GALNT10: variants seen among roughly 807,000 people sequenced by gnomAD.
GALNT10 encodes the protein GalNAc transferase 10.
In GALNT10, 41 loss-of-function variants were observed where a neutral mutation model predicts 75.0. The observed-to-expected ratio is 0.55, with a 90% CI of 0.43 to 0.71. GALNT10 has a LOEUF of 0.71. Among genes scored for constraint, GALNT10 ranks in the 30% least tolerant of loss-of-function variants. The pLI is 0.00. For missense variants in GALNT10, 727 were observed against 818.5 expected, an observed-to-expected ratio of 0.89 and a Z score of 1.36; for synonymous variants, 302 against 313.0, an observed-to-expected ratio of 0.96 and a Z score of 0.37.
chr5:154,399,661 G>A (rs531519930), intron 7 of GALNT10, among the ~76,000 whole-genome samples: 1 of 152,322 alleles, frequency 6.6e-6, no homozygotes, highest in East Asian at 1.9e-4. Context: ...CTCTAGTCAA[G>A]TCCCTATGCT....
At chr5:154,243,760 G>A (rs937350990) in intron 1 of GALNT10, among the ~76,000 whole-genome samples, 5 of 152,232 alleles carry the variant, frequency 3.3e-5, no homozygotes, top group Non-Finnish European at 7.3e-5. Flanking sequence ...TTCAGGGAAG[G>A]AGTATTGCTG....
chr5:154,315,126 C>CAA lies in GALNT10; in HGVS notation c.402-14438_402-14437dup, dbSNP rs141178404. Among the ~76,000 whole-genome samples, 338 of 150,740 alleles carry CAA rather than the reference C, an allele frequency of 2.2e-3. 1 individual carries two copies. The highest frequency in any genetic ancestry group is 7.9e-3 in the African/African-American group (327 of 41,140). ...AAAAGAATCCAATTATTTTCACAAT[C>CAA]AAAAAAAAATAAAAATAATTGATTC... On this transcript the variant is annotated intron_variant, in intron 3 of 11. Coordinates refer to ENST00000297107, the MANE Select transcript of GALNT10 (RefSeq NM_198321.4).
intron 6 of GALNT10, among the ~76,000 whole-genome samples, chr5:154,385,119 A>G (rs1297586633): frequency 1.3e-5 from 2 of 152,172 alleles, no homozygotes; most frequent in Admixed American, 1.3e-4. Flanking sequence ...TTGCACTTCC[A>G]GGGACCAGGA....
chr5:154,203,173 G>A (rs1216881095), intron 1 of GALNT10, among the ~76,000 whole-genome samples: 2 of 152,090 alleles, frequency 1.3e-5, no homozygotes, highest in Non-Finnish European at 2.9e-5. Context: ...TTCACTTTGG[G>A]TGTATGACTC....
At chr5:154,370,526 T>C (rs1323070374) in intron 4 of GALNT10, among the ~76,000 whole-genome samples, 1 of 152,142 alleles carries the variant, frequency 6.6e-6, no homozygotes, top group Non-Finnish European at 1.5e-5. Context: ...GGCTTTGGGA[T>C]GTCAACCAAT....
chr5:154,396,353 C>T (rs1345443827), intron 7 of GALNT10, among the ~76,000 whole-genome samples: 1 of 152,146 alleles, frequency 6.6e-6, no homozygotes. Flanking sequence ...GGGAGTCCAG[C>T]GGGTATGGAG....
chr5:154,233,658 T>G (rs1460263333), intron 1 of GALNT10, among the ~76,000 whole-genome samples: 1 of 152,182 alleles, frequency 6.6e-6, no homozygotes, highest in East Asian at 1.9e-4. Context: ...CCCAGCCCTC[T>G]GCTCTTGGCA....
intron 1 of GALNT10, among the ~76,000 whole-genome samples, chr5:154,195,730 G>A (rs984813120): frequency 6.6e-6 from 1 of 152,110 alleles, no homozygotes; most frequent in Non-Finnish European, 1.5e-5. Context: ...TTCACCATGA[G>A]AAATTTTTTC....
intron 1 of GALNT10, among the ~76,000 whole-genome samples, chr5:154,263,988 G>T (rs1753740322): frequency 6.6e-6 from 1 of 152,122 alleles, no homozygotes; most frequent in Admixed American, 6.6e-5. Context: ...TGCTTTAAAA[G>T]GGTAAATTTT....
At chr5:154,279,310 T>G (rs936741080) in intron 1 of GALNT10, among the ~76,000 whole-genome samples, 38 of 150,212 alleles carry the variant, frequency 2.5e-4, no homozygotes, top group East Asian at 9.7e-4. Flanking sequence ...TTTTGTTTTT[T>G]TTTTTTTTTT....
chr5:154,284,018 G>C (rs1754079752), intron 1 of GALNT10, among the ~76,000 whole-genome samples: 1 of 152,202 alleles, frequency 6.6e-6, no homozygotes, highest in African/African-American at 2.4e-5. Flanking sequence ...TTACCCTGGT[G>C]CAACTGAGAG....
intron 4 of GALNT10, among the ~76,000 whole-genome samples, chr5:154,342,291 T>C (rs1166545908): frequency 6.6e-6 from 1 of 152,214 alleles, no homozygotes; most frequent in Admixed American, 6.5e-5. Context: ...AGGAGAACTT[T>C]CTAGTCTGGT....
intron 1 of GALNT10, among the ~76,000 whole-genome samples, chr5:154,247,041 TC>T (rs1199543105): frequency 6.6e-6 from 1 of 152,246 alleles, no homozygotes; most frequent in Non-Finnish European, 1.5e-5. Flanking sequence ...TAGCCAGTTT[TC>T]CCAGCACCAT....
chr5:154,196,600 A>G (rs1774944116), intron 1 of GALNT10, among the ~76,000 whole-genome samples: 1 of 152,108 alleles, frequency 6.6e-6, no homozygotes, highest in Admixed American at 6.5e-5. Flanking sequence ...AAAAATGGTA[A>G]TAGCTCTTTC....
chr5:154,314,445 C>G (rs1304727268), intron 3 of GALNT10, among the ~76,000 whole-genome samples: 1 of 152,104 alleles, frequency 6.6e-6, no homozygotes, highest in Non-Finnish European at 1.5e-5. Flanking sequence ...CATTCTAGAC[C>G]TCAGTTTCCT....
intron 4 of GALNT10, among the ~76,000 whole-genome samples, chr5:154,359,406 G>A (rs573563773): frequency 2.0e-5 from 3 of 152,062 alleles, no homozygotes; most frequent in African/African-American, 7.2e-5. Flanking sequence ...GTGACCAGAC[G>A]TGCCTCCTAA....
intron 1 of GALNT10, among the ~76,000 whole-genome samples, chr5:154,236,178 C>T (rs1753243571): frequency 6.6e-6 from 1 of 152,144 alleles, no homozygotes; most frequent in Admixed American, 6.5e-5. Flanking sequence ...CTGTCACTCC[C>T]CAGCTGTGTC....
chr5:154,337,712 G>A (rs547318891), intron 4 of GALNT10: 89 of 1,209,510 alleles, frequency 7.4e-5, no homozygotes, highest in South Asian at 4.1e-4. Context: ...CATCCCCACC[G>A]CCACCATATC....
At chr5:154,394,653 G>A (rs902033405) in intron 7 of GALNT10, among the ~76,000 whole-genome samples, 2 of 152,210 alleles carry the variant, frequency 1.3e-5, no homozygotes, top group African/African-American at 4.8e-5. Context: ...GCCCTGAGAG[G>A]GGTTAAGTTG....
Sources: gnomAD v4.1 joint callset for allele counts (sites outside exome capture counted in the v4.1 genomes callset) on GRCh38, gnomAD v4.1.1 for gene constraint, MANE v1.5 for transcripts, NCBI Gene and HGNC (gene_info 2026-07-23, HGNC 2026-07-21) for gene names.